ARFGEF3: variants seen among roughly 807,000 people sequenced by gnomAD.
ARFGEF3 encodes brefeldin A-inhibited guanine nucleotide-exchange protein 3.
A neutral mutation model predicts 221.7 loss-of-function variants in ARFGEF3; 96 were observed. The observed-to-expected ratio is 0.43, with a 90% CI of 0.37 to 0.51. ARFGEF3 has a LOEUF of 0.51. ARFGEF3 is among the 20% of genes least tolerant of loss of function. ARFGEF3 has a pLI of 0.00. For missense variants in ARFGEF3, 2,410 were observed against 2,789.9 expected, an observed-to-expected ratio of 0.86 and a Z score of 3.07; for synonymous variants, 1,145 against 1,126.8, an observed-to-expected ratio of 1.02 and a Z score of -0.32.
intron 5 of ARFGEF3, among the ~76,000 whole-genome samples, chr6:138,235,889 A>G (rs1173828537): frequency 6.6e-6 from 1 of 152,184 alleles, no homozygotes; most frequent in African/African-American, 2.4e-5. Flanking sequence ...TTAAATTAAT[A>G]CTTTTTTTAG....
chr6:138,204,054 C>G (rs149644544), intron 2 of ARFGEF3, among the ~76,000 whole-genome samples: 1 of 151,820 alleles, frequency 6.6e-6, no homozygotes, highest in African/African-American at 2.4e-5. Context: ...TAAAAAGATT[C>G]GAGGCCAGGC....
chr6:138,180,264 G>A (rs527850405), intron 2 of ARFGEF3, among the ~76,000 whole-genome samples: 8 of 152,178 alleles, frequency 5.3e-5, no homozygotes, highest in South Asian at 4.1e-4. Context: ...CCTTTCTTAC[G>A]TCATGGAGAA....
At chr6:138,251,897 C>A (rs1399262516) in intron 8 of ARFGEF3, among the ~76,000 whole-genome samples, 4 of 152,194 alleles carry the variant, frequency 2.6e-5, no homozygotes, top group Middle Eastern at 3.4e-3. Context: ...TATGTCTGTC[C>A]AGTCCCGTAA....
At chr6:138,174,246 G>A (rs921354396) in intron 2 of ARFGEF3, among the ~76,000 whole-genome samples, 1 of 151,904 alleles carries the variant, frequency 6.6e-6, no homozygotes, top group Non-Finnish European at 1.5e-5. Context: ...CATAATTAGA[G>A]CAGAAAAGAG....
chr6:138,261,451 T>G (rs1338974397), intron 10 of ARFGEF3, 76 bp from the exon 11 acceptor site: 3 of 821,848 alleles, frequency 3.7e-6, no homozygotes, highest in Non-Finnish European at 5.8e-6. Context: ...CATGTTTTTT[T>G]GATCTCACAA....
At chr6:138,296,189 G>A (rs1162816088) in intron 20 of ARFGEF3, among the ~76,000 whole-genome samples, 1 of 152,140 alleles carries the variant, frequency 6.6e-6, no homozygotes. Flanking sequence ...GACAGAGAAG[G>A]CCAGACAGCA....
intron 14 of ARFGEF3, among the ~76,000 whole-genome samples, chr6:138,284,023 A>T (rs1408233516): frequency 2.0e-5 from 3 of 152,100 alleles, no homozygotes; most frequent in Non-Finnish European, 2.9e-5. Flanking sequence ...TAATACTAAT[A>T]ATTACAGGCA....
At chr6:138,322,510 G>A (rs1780050364) in intron 29 of ARFGEF3, among the ~76,000 whole-genome samples, 2 of 152,028 alleles carry the variant, frequency 1.3e-5, no homozygotes, top group South Asian at 4.1e-4. Flanking sequence ...TACACAAAAT[G>A]GAGTACTATT....
intron 12 of ARFGEF3, among the ~76,000 whole-genome samples, chr6:138,272,526 AAAG>A (rs1333070015): frequency 2.6e-5 from 4 of 152,344 alleles, no homozygotes; most frequent in African/African-American, 9.6e-5. Context: ...GTAATTTTAA[AAAG>A]AAGGATTTAA....
rs142456028 is a variant in ARFGEF3, at chr6:138,200,315, A to G, written c.138-6727A>G. Among the ~76,000 whole-genome samples the G allele has an allele frequency of 5.3e-5, 8 of 152,296 alleles. No individual in the cohort carries two copies. In the East Asian group the frequency reaches 1.5e-3, roughly 29 times the overall value. Reference sequence around the variant, plus strand: ...CCACCATCATTCTTCACAGAGTTACAAGAAACAATTCTAAAATTCATATGG... The same window carrying G: ...CCACCATCATTCTTCACAGAGTTACGAGAAACAATTCTAAAATTCATATGG... On this transcript the variant is annotated intron_variant, in intron 2 of 33. Coordinates refer to ENST00000251691, the MANE Select transcript of ARFGEF3 (RefSeq NM_020340.5).
intron 8 of ARFGEF3, among the ~76,000 whole-genome samples, chr6:138,252,246 C>T (rs1778596055): frequency 6.6e-6 from 1 of 152,158 alleles, no homozygotes. Flanking sequence ...GGGTCAGGAA[C>T]CTTTTTCTAT....
At chr6:138,282,787 G>A (rs779553977) in intron 14 of ARFGEF3, among the ~76,000 whole-genome samples, 1 of 152,174 alleles carries the variant, frequency 6.6e-6, no homozygotes, top group Admixed American at 6.5e-5. Flanking sequence ...AGTGGCTCAC[G>A]CCAATAATCC....
chr6:138,257,393 C>T (rs989399452), intron 10 of ARFGEF3, among the ~76,000 whole-genome samples: 3 of 152,138 alleles, frequency 2.0e-5, no homozygotes, highest in East Asian at 1.9e-4. Flanking sequence ...TTCACCAGTC[C>T]GATCAGGGGC....
At chr6:138,300,696 G>A (rs528687577) in intron 22 of ARFGEF3, among the ~76,000 whole-genome samples, 68 of 152,156 alleles carry the variant, frequency 4.5e-4, no homozygotes, top group Non-Finnish European at 9.4e-4. Context: ...AATAAAAGAC[G>A]GGGAAGCTCA....
chr6:138,254,147 T>C (rs546443648), intron 9 of ARFGEF3, among the ~76,000 whole-genome samples, 163 bp downstream of exon 9: 7 of 152,282 alleles, frequency 4.6e-5, no homozygotes, highest in Admixed American at 1.3e-4. Flanking sequence ...CCAGGTGCAG[T>C]TGTTCACACC....
chr6:138,243,788 T>C (rs1178401356), intron 7 of ARFGEF3, among the ~76,000 whole-genome samples: 1 of 151,972 alleles, frequency 6.6e-6, no homozygotes, highest in Non-Finnish European at 1.5e-5. Context: ...GGAAGAGTAT[T>C]TGAAAGAAAT....
At chr6:138,176,621 T>G (rs981060059) in intron 2 of ARFGEF3, among the ~76,000 whole-genome samples, 2 of 152,222 alleles carry the variant, frequency 1.3e-5, no homozygotes, top group Non-Finnish European at 2.9e-5. Context: ...TTTTTTTCTT[T>G]TTCTCTGTCT....
intron 14 of ARFGEF3, among the ~76,000 whole-genome samples, chr6:138,285,650 T>C (rs1055600610): frequency 9.2e-5 from 14 of 152,048 alleles, no homozygotes; most frequent in African/African-American, 3.1e-4. Context: ...GTATTTAAGA[T>C]CAAAATATTC....
At chr6:138,328,759 G>A (rs9495015) in intron 32 of ARFGEF3, among the ~76,000 whole-genome samples, 7,010 of 152,174 alleles carry the variant, frequency 0.046, 513 homozygotes, top group African/African-American at 0.16. Context: ...TCCCAGAACC[G>A]CAGGAGGATC....
Sources: allele counts gnomAD v4.1 joint callset (sites outside exome capture counted in the v4.1 genomes callset), GRCh38; gene constraint gnomAD v4.1.1; transcripts MANE v1.5; gene names NCBI Gene and HGNC (gene_info 2026-07-23, HGNC 2026-07-21).